The following BEST3 variants were observed in gnomAD, a reference collection of about 807,000 sequenced individuals.
The protein encoded by BEST3 is bestrophin 3.
BEST3 carries 50 observed loss-of-function variants against 47.1 expected under a neutral mutation model. That is an observed-to-expected ratio of 1.06 (90% CI 0.85 to 1.34). The LOEUF (loss-of-function observed/expected upper bound fraction) is 1.34, where lower values mean the gene tolerates loss of function less well. BEST3 is among the 40% of genes most tolerant of loss of function. The pLI is 0.00. For synonymous variants in BEST3, 282 were observed against 298.8 expected (o/e 0.94, Z 0.58); for missense variants, 765 against 817.0 (o/e 0.94, Z 0.78).
chr12:69,693,593 A>G, intron 4 of BEST3, 81 bp downstream of exon 4: 1 of 1,189,490 alleles, frequency 8.4e-7, no homozygotes, highest in Non-Finnish European at 1.2e-6. Context: ...GAATAAACAA[A>G]CATAAAGAAT....
intron 7 of BEST3, 74 bp from the exon 8 acceptor site, chr12:69,673,039 T>C (rs904498835): frequency 8.6e-7 from 1 of 1,156,092 alleles, no homozygotes; most frequent in African/African-American, 1.5e-5. Context: ...AGATGATTCC[T>C]GTTTTCCTCT....
At chr12:69,666,738 T>C (rs1198968167) in intron 9 of BEST3, among the ~76,000 whole-genome samples, 2 of 152,170 alleles carry the variant, frequency 1.3e-5, no homozygotes, top group Non-Finnish European at 2.9e-5. Flanking sequence ...ATGCTGGCCA[T>C]CTCCATGTGA....
chr12:69,678,543 A>G (rs1299977761), intron 5 of BEST3, among the ~76,000 whole-genome samples, 196 bp downstream of exon 5: 3 of 152,176 alleles, frequency 2.0e-5, no homozygotes, highest in African/African-American at 7.2e-5. Context: ...CCAAGGAACC[A>G]TTTCCAAGCA....
chr12:69,653,507 TTCTCTAAAGCCTGTTTCTCTCG>T, downstream of BEST3: 2 of 521,098 alleles, frequency 3.8e-6, no homozygotes, highest in Non-Finnish European at 4.9e-6. Context: ...AATACCTTAC[TTCTCTAAAGCCTGTTTCTCTCG>T]TCTTTAAAAT....
chr12:69,668,574 G>A (rs1230010026), intron 9 of BEST3, among the ~76,000 whole-genome samples: 3 of 152,204 alleles, frequency 2.0e-5, no homozygotes, highest in African/African-American at 7.2e-5. Context: ...ATTGCTTAGG[G>A]AATTATCTTC....
rs953214414 is a variant in BEST3, at chr12:69,667,326, C to T, written c.1100+4102G>A. ...TTTTGAGATGGAGTTTTGCTCTTCA[C>T]TCTTGTCGCCCAGGCTGGAGTATAA... On this transcript the variant is annotated intron_variant, in intron 9 of 9. Transcript: ENST00000330891. Among the ~76,000 whole-genome samples, 6 of 152,224 alleles carry T rather than the reference C, an allele frequency of 3.9e-5. 1 individual carries two copies. The highest frequency in any genetic ancestry group is 4.1e-4 in the South Asian group (2 of 4,822).
chr12:69,663,653 A>G (rs1884003590), intron 9 of BEST3, among the ~76,000 whole-genome samples: 1 of 152,038 alleles, frequency 6.6e-6, no homozygotes, highest in South Asian at 2.1e-4. Flanking sequence ...ACATAGCCAG[A>G]TCTTTGCCTC....
intron 5 of BEST3, 138 bp downstream of exon 5, chr12:69,678,601 C>A: frequency 1.3e-6 from 1 of 779,760 alleles, no homozygotes; most frequent in Non-Finnish European, 2.0e-6. Flanking sequence ...GTTGAGAGGT[C>A]TGACACTAGT....
intron 4 of BEST3, among the ~76,000 whole-genome samples, chr12:69,688,076 T>C (rs146293424): frequency 6.6e-6 from 1 of 152,356 alleles, no homozygotes; most frequent in Admixed American, 6.5e-5. Context: ...TTACATATCA[T>C]TGTGCTTCTG....
intron 4 of BEST3, chr12:69,687,486 A>C (rs993267882): frequency 7.3e-6 from 1 of 137,056 alleles, no homozygotes; most frequent in African/African-American, 3.0e-5. Context: ...AAAAAGGAAA[A>C]AAAGGGATTA....
chr12:69,672,805 C>CATTTGAAATCTGCTTAG (rs1884660148), intron 8 of BEST3, 80 bp downstream of exon 8: 5 of 1,006,976 alleles, frequency 5.0e-6, no homozygotes, highest in Admixed American at 2.0e-5. Context: ...AAGGGGTGTG[C>CATTTGAAATCTGCTTAG]ATTTGAAATC....
chr12:69,657,874 G>A (rs1883606720), intron 9 of BEST3, among the ~76,000 whole-genome samples: 1 of 152,166 alleles, frequency 6.6e-6, no homozygotes, highest in Admixed American at 6.5e-5. Flanking sequence ...CAGCGCCCTT[G>A]GCTACCAGAT....
At chr12:69,669,276 G>C (rs1884417474) in intron 9 of BEST3, among the ~76,000 whole-genome samples, 1 of 152,060 alleles carries the variant, frequency 6.6e-6, no homozygotes, top group South Asian at 2.1e-4. Flanking sequence ...CCACTTTAAT[G>C]GTCCTCATTT....
chr12:69,695,262 A>G (rs1332318142), intron 2 of BEST3, among the ~76,000 whole-genome samples: 2 of 152,230 alleles, frequency 1.3e-5, no homozygotes, highest in Non-Finnish European at 2.9e-5. Context: ...GAATAAATCG[A>G]CGAGTGTAGC....
intron 9 of BEST3, among the ~76,000 whole-genome samples, chr12:69,648,570 T>C (rs1402558066): frequency 6.6e-6 from 1 of 152,160 alleles, no homozygotes; most frequent in Non-Finnish European, 1.5e-5. Flanking sequence ...TTCTTATTTC[T>C]CAGGACCTGC....
intron 4 of BEST3, chr12:69,684,525 T>G (rs1378504600): frequency 3.1e-6 from 2 of 643,498 alleles, no homozygotes; most frequent in South Asian, 3.4e-5. Flanking sequence ...AAGCAGAGTA[T>G]TCAAACGAGG....
intron 4 of BEST3, chr12:69,689,333 G>A (rs1373468964): frequency 6.6e-6 from 6 of 902,792 alleles, no homozygotes; most frequent in Admixed American, 6.2e-5. Context: ...AGCGGGTGCC[G>A]GCCTGGGGCA....
At chr12:69,663,556 C>T (rs151279982) in intron 9 of BEST3, among the ~76,000 whole-genome samples, 5 of 152,204 alleles carry the variant, frequency 3.3e-5, no homozygotes, top group African/African-American at 1.2e-4. Context: ...AGGCTGGGTA[C>T]GGTGGCTCCC....
At chr12:69,661,548 CT>C (rs1883873695) in intron 9 of BEST3, 1 of 152,164 alleles carries the variant, frequency 6.6e-6, no homozygotes, top group Non-Finnish European at 1.5e-5. Flanking sequence ...AAAATGTACT[CT>C]TCAAACCCAT....
Sources: allele counts gnomAD v4.1 joint callset (sites outside exome capture counted in the v4.1 genomes callset), GRCh38; gene constraint gnomAD v4.1.1; transcripts MANE v1.5; gene names NCBI Gene and HGNC (gene_info 2026-07-23, HGNC 2026-07-21).